Variants in TANK observed in about 807,000 individuals in gnomAD.
TANK encodes TRAF family member-associated NF-kappa-B activator.
In TANK, 15 loss-of-function variants were observed where a neutral mutation model predicts 43.6. That is an observed-to-expected ratio of 0.34 (90% CI 0.23 to 0.53). The LOEUF is 0.53. Among genes scored for constraint, TANK ranks in the 20% least tolerant of loss-of-function variants. The pLI is 0.94. For synonymous variants in TANK, 162 were observed against 178.2 expected (o/e 0.91, Z 0.73); for missense variants, 417 against 498.6 (o/e 0.84, Z 1.56).
intron 1 of TANK, among the ~76,000 whole-genome samples, chr2:161,147,495 GA>G (rs1420080344): frequency 6.6e-6 from 1 of 152,120 alleles, no homozygotes; most frequent in Non-Finnish European, 1.5e-5. Flanking sequence ...ACAGTTCCAT[GA>G]AAAAAGCATG....
Position 161,224,143 on chromosome 2 carries a change from T to C in TANK, c.404+152T>C, listed in dbSNP as rs1687490521. The C allele has an allele frequency of 5.5e-6, 3 of 540,746 alleles. No homozygotes were observed. In the Admixed American group the frequency reaches 9.9e-5, roughly 18 times the overall value. 33.5% of individuals were successfully genotyped at this position (540,746 alleles called of 1,614,324 possible). A position where few individuals can be genotyped will look rare whatever the true frequency, so the allele number is the denominator to read the frequency against. ...ACCCCAGAATCCTACATGTTAAAGA[T>C]GACCTAAACAAGTCATGCAGTTAAT... On this transcript the variant is annotated intron_variant, in intron 5 of 7. Transcript: ENST00000392749.
At chr2:161,208,787 C>T (rs1686757408) in intron 4 of TANK, among the ~76,000 whole-genome samples, 1 of 152,186 alleles carries the variant, frequency 6.6e-6, no homozygotes, top group Admixed American at 6.6e-5. Flanking sequence ...AGTAAGGGAT[C>T]TGAGAGAGAG....
chr2:161,188,850 T>C (rs1305679740), intron 2 of TANK, among the ~76,000 whole-genome samples: 1 of 152,224 alleles, frequency 6.6e-6, no homozygotes, highest in Admixed American at 6.5e-5. Flanking sequence ...GATTAGGCCA[T>C]GAGGTCTCTG....
chr2:161,160,454 G>A lies in TANK; in HGVS notation c.-82G>A. On this transcript the variant is annotated 5_prime_UTR_variant, in exon 1 of 8. Transcript: ENST00000392749. The stretch of plus-strand genomic sequence containing the variant: ...CTCGGCCAGGCGCCGGCGACCTGAG[G>A]GGAGAGGGAACGCAGCTGAAAGCGT... 3 of 1,239,058 alleles carry A rather than the reference G, an allele frequency of 2.4e-6. No homozygotes were observed. Among genetic ancestry groups the A allele is most frequent in the Non-Finnish European group, 2.0e-6 (2 of 991,234 alleles). The allele number at this position is 1,239,058 out of a possible 1,614,324, so 76.8% of individuals were successfully genotyped here. A position where few individuals can be genotyped will look rare whatever the true frequency, so the allele number is the denominator to read the frequency against.
intron 6 of TANK, among the ~76,000 whole-genome samples, chr2:161,230,558 A>G (rs1687856791): frequency 2.0e-5 from 3 of 152,230 alleles, no homozygotes; most frequent in African/African-American, 7.2e-5. Context: ...TTAATAATAA[A>G]TGACCTAATT....
At chr2:161,143,709 C>T (rs1035893867) in intron 1 of TANK, among the ~76,000 whole-genome samples, 20 of 151,936 alleles carry the variant, frequency 1.3e-4, no homozygotes, top group Non-Finnish European at 4.4e-5. Context: ...CTTTTGGATT[C>T]GGTTTGCCAG....
chr2:161,196,573 G>A (rs1162615881), intron 2 of TANK, among the ~76,000 whole-genome samples: 1 of 152,030 alleles, frequency 6.6e-6, no homozygotes, highest in African/African-American at 2.4e-5. Flanking sequence ...GATACTTGGG[G>A]GCCAGGCGCG....
chr2:161,232,783 T>C, intron 7 of TANK: 2 of 1,550,610 alleles, frequency 1.3e-6, no homozygotes, highest in Non-Finnish European at 1.7e-6. Flanking sequence ...ACATTTGCTT[T>C]CTATACTACA....
chr2:161,230,114 T>C lies in TANK; in HGVS notation c.521-857T>C, dbSNP rs191114087. Among the ~76,000 whole-genome samples, 479 of 152,340 alleles carry C rather than the reference T, an allele frequency of 3.1e-3. 1 individual carries two copies. The highest frequency in any genetic ancestry group is 4.9e-3 in the Non-Finnish European group (332 of 68,028). On this transcript the variant is annotated intron_variant, in intron 6 of 7. Coordinates refer to ENST00000392749, the MANE Select transcript of TANK (RefSeq NM_001199135.3). The stretch of plus-strand genomic sequence containing the variant: ...TTTTAATTTGCTGTTTCAAACCAGC[T>C]ATGAGCTGTGGAAATACCACCAAGT...
intron 4 of TANK, among the ~76,000 whole-genome samples, chr2:161,206,405 CTAAA>C (rs1686655395): frequency 6.6e-6 from 1 of 152,030 alleles, no homozygotes; most frequent in Non-Finnish European, 1.5e-5. Flanking sequence ...TTCTTTCCTT[CTAAA>C]TAAAGTAGGA....
At chr2:161,197,376 G>T (rs745923203) in intron 2 of TANK, 1 of 152,044 alleles carries the variant, frequency 6.6e-6, no homozygotes, top group East Asian at 1.9e-4. Context: ...CTGATTTCTC[G>T]TGAAGAAACA....
chr2:161,196,990 G>A (rs780113514), intron 2 of TANK, among the ~76,000 whole-genome samples: 1 of 152,164 alleles, frequency 6.6e-6, no homozygotes, highest in South Asian at 2.1e-4. Context: ...AAATTTGGTT[G>A]CGGAATAGTT....
At chr2:161,183,299 C>T (rs909515149) in intron 2 of TANK, among the ~76,000 whole-genome samples, 6 of 151,946 alleles carry the variant, frequency 3.9e-5, no homozygotes, top group African/African-American at 7.3e-5. Context: ...GAGGAAAGAG[C>T]GCACAGTATG....
chr2:161,178,457 G>T (rs1390381290), intron 1 of TANK, among the ~76,000 whole-genome samples: 1 of 150,540 alleles, frequency 6.6e-6, no homozygotes, highest in African/African-American at 2.4e-5. Context: ...AGACAAATTC[G>T]TAGAGACAAA....
At chr2:161,150,511 G>A (rs960860928) in intron 1 of TANK, among the ~76,000 whole-genome samples, 1 of 150,060 alleles carries the variant, frequency 6.7e-6, no homozygotes, top group Non-Finnish European at 1.5e-5. Context: ...ATCCTTGCTA[G>A]CTTTCAATTT....
chr2:161,203,289 G>T (rs548849214), intron 2 of TANK, among the ~76,000 whole-genome samples, 198 bp from the exon 3 acceptor site: 2 of 151,888 alleles, frequency 1.3e-5, no homozygotes, highest in African/African-American at 4.8e-5. Flanking sequence ...AAACTTCTGC[G>T]GTGCTTTAAG....
At chr2:161,200,169 T>C (rs1332580496) in intron 2 of TANK, among the ~76,000 whole-genome samples, 1 of 152,228 alleles carries the variant, frequency 6.6e-6, no homozygotes, top group Non-Finnish European at 1.5e-5. Context: ...CTGTCTGTTT[T>C]AGCTGTCATG....
intron 2 of TANK, among the ~76,000 whole-genome samples, chr2:161,189,059 T>C (rs956169808): frequency 1.3e-5 from 2 of 152,194 alleles, no homozygotes; most frequent in African/African-American, 4.8e-5. Context: ...TTCTGTTCTT[T>C]ATAATTTATC....
At chr2:161,144,097 A>C (rs1683832876) in intron 1 of TANK, among the ~76,000 whole-genome samples, 1 of 152,080 alleles carries the variant, frequency 6.6e-6, no homozygotes, top group African/African-American at 2.4e-5. Context: ...GCTTATTTGC[A>C]TAGAGGTGTT....
Sources: gnomAD v4.1 joint callset for allele counts (sites outside exome capture counted in the v4.1 genomes callset) on GRCh38, gnomAD v4.1.1 for gene constraint, MANE v1.5 for transcripts, NCBI Gene and HGNC (gene_info 2026-07-23, HGNC 2026-07-21) for gene names.